The following VGLL4 variants were observed in gnomAD, a reference collection of about 807,000 sequenced individuals.
VGLL4 encodes transcription cofactor vestigial-like protein 4.
A neutral mutation model predicts 21.0 loss-of-function variants in VGLL4; 7 were observed. The ratio of observed to expected loss-of-function variants is 0.33; its 90% confidence interval spans 0.19 to 0.63. VGLL4 has a LOEUF of 0.63. Ranked by LOEUF, VGLL4 falls within the 20% of genes least tolerant of loss-of-function variation. The probability of loss-of-function intolerance (pLI) is 0.78; values close to 1 mark genes in which losing one functional copy is unlikely to be tolerated. For synonymous variants in VGLL4, 222 were observed against 173.2 expected (o/e 1.28, Z -2.21); for missense variants, 394 against 425.7 (o/e 0.93, Z 0.66).
At chr3:11,574,071 C>T (rs140370356) in intron 2 of VGLL4, among the ~76,000 whole-genome samples, 35 of 152,296 alleles carry the variant, frequency 2.3e-4, no homozygotes, top group Admixed American at 1.0e-3. Flanking sequence ...CCACAGCCCT[C>T]AGAAGCAGCC....
chr3:11,697,059 CT>C (rs1243286597), intron 2 of VGLL4, among the ~76,000 whole-genome samples: 1 of 151,842 alleles, frequency 6.6e-6, no homozygotes, highest in Non-Finnish European at 1.5e-5. Context: ...TCTCTTAAAA[CT>C]TTTGGATTGG....
At chr3:11,637,528 A>G (rs1378113963) in intron 1 of VGLL4, among the ~76,000 whole-genome samples, 1 of 152,250 alleles carries the variant, frequency 6.6e-6, no homozygotes, top group East Asian at 1.9e-4. Flanking sequence ...ACTTTTAAGA[A>G]TAGATTCTCT....
rs535048176 is a variant in VGLL4 at position 11,669,980 on chromosome 3, C to T, written c.64+32991G>A. On this transcript the variant is annotated intron_variant, in intron 2 of 5. Transcript: ENST00000273038. ...TAGAATATCACTCTTTTCAATGTTT[C>T]AATTCTGCCATGCTTTGGTAAAACT... Among the ~76,000 whole-genome samples the T allele has an allele frequency of 3.9e-5, 6 of 152,288 alleles. No individual in the cohort carries two copies. The South Asian group carries it at 1.2e-3, about 32-fold the overall frequency.
chr3:11,654,296 T>C (rs982966191), intron 2 of VGLL4, among the ~76,000 whole-genome samples: 5 of 152,196 alleles, frequency 3.3e-5, no homozygotes, highest in African/African-American at 9.7e-5. Context: ...GGATACTAAG[T>C]GCCACACTCC....
chr3:11,561,496 T>G (rs967815664), intron 3 of VGLL4, among the ~76,000 whole-genome samples: 1 of 152,146 alleles, frequency 6.6e-6, no homozygotes, highest in Non-Finnish European at 1.5e-5. Flanking sequence ...CAACCCAGGC[T>G]GCAGGGTGGC....
At chr3:11,667,535 C>T (rs529123439) in intron 2 of VGLL4, among the ~76,000 whole-genome samples, 1 of 152,322 alleles carries the variant, frequency 6.6e-6, no homozygotes, top group African/African-American at 2.4e-5. Flanking sequence ...GGCTATATCA[C>T]CATTTAGGAC....
intron 3 of VGLL4, among the ~76,000 whole-genome samples, chr3:11,561,206 C>T (rs561871724): frequency 9.9e-5 from 15 of 152,282 alleles, no homozygotes; most frequent in African/African-American, 3.4e-4. Flanking sequence ...TCCTGACCCA[C>T]GCAAATGTGG....
At chr3:11,602,125 C>G (rs1470039178) in intron 1 of VGLL4, 103 bp from the exon 2 acceptor site, 1 of 1,200,086 alleles carries the variant, frequency 8.3e-7, no homozygotes, top group Non-Finnish European at 1.1e-6. Context: ...AAACTACTCC[C>G]AGTGGAAAGT....
chr3:11,576,670 A>C (rs2074057283), intron 2 of VGLL4, among the ~76,000 whole-genome samples: 1 of 152,170 alleles, frequency 6.6e-6, no homozygotes, highest in Non-Finnish European at 1.5e-5. Context: ...CACTAAGACC[A>C]TCCAGTGCTA....
chr3:11,613,114 TC>T (rs2075094336), intron 1 of VGLL4, among the ~76,000 whole-genome samples: 1 of 151,944 alleles, frequency 6.6e-6, no homozygotes, highest in Non-Finnish European at 1.5e-5. Context: ...GAGCCAAGCC[TC>T]CGGAGGGACC....
chr3:11,578,063 T>C (rs2074106812), intron 2 of VGLL4, among the ~76,000 whole-genome samples: 3 of 152,200 alleles, frequency 2.0e-5, no homozygotes, highest in Admixed American at 6.5e-5. Context: ...CCATTTATCG[T>C]AGCACGTTTC....
chr3:11,602,036 G>T lies in VGLL4; in HGVS notation c.83-14C>A. On this transcript the variant is annotated splice_polypyrimidine_tract_variant and intron_variant, in intron 1 of 4. Coordinates refer to ENST00000430365, the MANE Select transcript of VGLL4 (RefSeq NM_001128219.3). ...GAGCAGCTTCGCCTACGCAGAGAGA[G>T]ATGATGTAGTCACTAAGCAGGAGAA... The T allele has an allele frequency of 6.6e-7, 1 of 1,525,770 alleles. No individual in the cohort carries two copies. Among genetic ancestry groups the T allele is most frequent in the Non-Finnish European group, 8.8e-7 (1 of 1,142,270 alleles). 94.5% of individuals were successfully genotyped at this position (1,525,770 alleles called of 1,614,324 possible).
chr3:11,609,613 C>T (rs1037012657), intron 1 of VGLL4, among the ~76,000 whole-genome samples: 2 of 152,146 alleles, frequency 1.3e-5, no homozygotes, highest in Admixed American at 6.5e-5. Flanking sequence ...AGAGATGGGG[C>T]GAGTGATTGG....
At chr3:11,593,205 A>G (rs1438927828) in intron 2 of VGLL4, among the ~76,000 whole-genome samples, 1 of 152,230 alleles carries the variant, frequency 6.6e-6, no homozygotes, top group Non-Finnish European at 1.5e-5. Flanking sequence ...TAACTGGTCC[A>G]TATACATCCA....
rs555940407 is a variant in VGLL4 at position 11,623,175 on chromosome 3, C to A, written c.82+20262G>T. On this transcript the variant is annotated intron_variant, in intron 1 of 4. Transcript: ENST00000430365. ...AAAGCCCCTCACTAAGTTAACAGGT[C>A]ATCCACTGGGATCACATCAAGGCTC... Among the ~76,000 whole-genome samples, 11 of 152,284 alleles carry A rather than the reference C, an allele frequency of 7.2e-5. No individual in the cohort carries two copies. In the East Asian group the frequency reaches 2.1e-3, roughly 29 times the overall value.
chr3:11,709,166 A>G (rs896225544), intron 1 of VGLL4, among the ~76,000 whole-genome samples: 5 of 151,406 alleles, frequency 3.3e-5, no homozygotes, highest in Middle Eastern at 3.4e-3. Context: ...GGCCAGGTGC[A>G]GTGGCTCATG....
chr3:11,700,315 ATTTTG>A (rs1363003837), intron 2 of VGLL4, among the ~76,000 whole-genome samples: 3 of 152,232 alleles, frequency 2.0e-5, no homozygotes, highest in African/African-American at 7.2e-5. Flanking sequence ...TATAAACAGT[ATTTTG>A]TTTTATTATT....
chr3:11,599,522 TTTC>T (rs2074731638), intron 2 of VGLL4, among the ~76,000 whole-genome samples: 1 of 13,590 alleles, frequency 7.4e-5, no homozygotes, highest in Non-Finnish European at 1.4e-4. Context: ...ACAAAATTAT[TTTC>T]TTTTTTTTTT....
At position 11,558,114 on chromosome 3, in the gene VGLL4, C is replaced by G. The variant is rs1289481840; in HGVS notation, c.*442G>C. On this transcript the variant is annotated 3_prime_UTR_variant, in exon 5 of 5. Transcript: ENST00000430365. The stretch of plus-strand genomic sequence containing the variant: ...ACAGTTCTCTTCAAGTATACACACG[C>G]ACACACATGGACCGAACCAAACACG... 5.2e-6 allele frequency: 1 copy of G among 193,276 alleles called. No individual in the cohort carries two copies. The highest frequency in any genetic ancestry group is 2.3e-5 in the African/African-American group (1 of 43,352). The allele number at this position is 193,276 out of a possible 1,614,324, so 12.0% of individuals were successfully genotyped here.
Sources: gnomAD v4.1 joint callset for allele counts (sites outside exome capture counted in the v4.1 genomes callset) on GRCh38, gnomAD v4.1.1 for gene constraint, MANE v1.5 for transcripts, NCBI Gene and HGNC (gene_info 2026-07-23, HGNC 2026-07-21) for gene names.